The following RGS3 variants were observed in gnomAD, a reference collection of about 807,000 sequenced individuals.
RGS3 encodes regulator of G-protein signalling 3.
Under a neutral mutation model 132.6 loss-of-function variants are expected in RGS3, and 80 were observed. The observed-to-expected ratio is 0.60, with a 90% CI of 0.50 to 0.73. The LOEUF (loss-of-function observed/expected upper bound fraction) is 0.73. Ranked by LOEUF, RGS3 falls within the 30% of genes least tolerant of loss-of-function variation. The pLI, the probability that RGS3 is intolerant of heterozygous loss-of-function variation, is 0.00. For synonymous variants in RGS3, 598 were observed against 620.6 expected, an observed-to-expected ratio of 0.96 and a Z score of 0.54; for missense variants, 1,382 against 1,530.8, an observed-to-expected ratio of 0.90 and a Z score of 1.62.
At chr9:113,536,543 GGGAGC>G in intron 18 of RGS3, 1 of 1,277,798 alleles carries the variant, frequency 7.8e-7, no homozygotes, top group Non-Finnish European at 1.0e-6. Flanking sequence ...CTGCTGTGTT[GGGAGC>G]CACTGCCTTC....
At chr9:113,453,092 ATATTT>A (rs886995837) in intron 1 of RGS3, among the ~76,000 whole-genome samples, 1 of 135,436 alleles carries the variant, frequency 7.4e-6, no homozygotes, top group African/African-American at 2.7e-5. Context: ...ATATAGAAAT[ATATTT>A]TATATAAATT....
At chr9:113,513,300 C>CT (rs200971309) in intron 14 of RGS3, among the ~76,000 whole-genome samples, 2,293 of 152,300 alleles carry the variant, frequency 0.015, 59 homozygotes, top group African/African-American at 0.052. Context: ...ACCCCTCCCC[C>CT]CACACCGCCG....
Position 113,506,615 on chromosome 9 carries a change from G to T in RGS3, c.1085+122G>T. 1.5e-6 allele frequency: 1 copy of T among 654,196 alleles called. No homozygotes were observed. Among genetic ancestry groups the T allele is most frequent in the Non-Finnish European group, 2.7e-6 (1 of 366,328 alleles). The allele number at this position is 654,196 out of a possible 1,614,324, so 40.5% of individuals were successfully genotyped here. A position where few individuals can be genotyped will look rare whatever the true frequency, so the allele number is the denominator to read the frequency against. On this transcript the variant is annotated intron_variant, in intron 12 of 24. Transcript: ENST00000350696. The surrounding 1 kb of genome is among the most constrained non-coding windows in gnomAD (Gnocchi z 4.7). ...CCCTCTTTTGCCTAGCTGTGAGCAG[G>T]CAATTCCTTTTGCTCTTCAAGGAAT...
chr9:113,484,107 G>A (rs746007003), intron 5 of RGS3, 31 bp from the exon 4 acceptor site: 20 of 1,368,136 alleles, frequency 1.5e-5, no homozygotes, highest in Non-Finnish European at 1.9e-5. Flanking sequence ...CATGAGATCC[G>A]CTAATCATGC....
intron 17 of RGS3, among the ~76,000 whole-genome samples, chr9:113,526,517 T>C (rs1471657152): frequency 6.6e-6 from 1 of 152,156 alleles, no homozygotes; most frequent in African/African-American, 2.4e-5. Flanking sequence ...ACTTACTCAA[T>C]GTATGCCCTA....
intron 19 of RGS3, among the ~76,000 whole-genome samples, chr9:113,576,410 C>T (rs1243406076): frequency 6.6e-6 from 1 of 150,492 alleles, no homozygotes; most frequent in Non-Finnish European, 1.5e-5. Flanking sequence ...TGGCTCACTG[C>T]AACCTCCGCC....
At chr9:113,462,285 C>CG (rs1564446563) in intron 3 of RGS3, 2 of 86,398 alleles carry the variant, frequency 2.3e-5, no homozygotes, top group African/African-American at 5.4e-4. Flanking sequence ...TGTGTGTAAC[C>CG]GGGGTTGGAG....
chr9:113,503,949 T>G (rs1285439617), intron 10 of RGS3, among the ~76,000 whole-genome samples: 3 of 152,176 alleles, frequency 2.0e-5, no homozygotes, highest in Non-Finnish European at 4.4e-5. Flanking sequence ...GCTGCGTGTT[T>G]TCCCAGAATT....
At chr9:113,485,188 C>T (rs997148148) in intron 6 of RGS3, among the ~76,000 whole-genome samples, 3 of 152,066 alleles carry the variant, frequency 2.0e-5, no homozygotes, top group Non-Finnish European at 4.4e-5. Flanking sequence ...CCTGGGTTCA[C>T]GCCATTCTCC....
rs7855199 is a variant in RGS3, at chr9:113,586,262, T to A, written c.3015+1835T>A. ...GAGGGCGGTTGAGGCCCACCTGCCT[T>A]GGGCTTCCCAATCCTGATTCCCCCA... On this transcript the variant is annotated intron_variant, in intron 20 of 24. Coordinates refer to ENST00000350696, the Ensembl canonical transcript of RGS3. Among the ~76,000 whole-genome samples, 235 of 152,344 alleles carry A rather than the reference T, an allele frequency of 1.5e-3. 1 individual carries two copies. Among genetic ancestry groups the A allele is most frequent in the African/African-American group, 5.2e-3 (218 of 41,580 alleles).
chr9:113,537,036 A>T lies in RGS3; in HGVS notation c.2037+118A>T. ...CTGAGCTTCCAACTTGGCTCTGGGC[A>T]ATGAGCTCTTGGCAAGCGGGGACCT... On this transcript the variant is annotated intron_variant, in intron 19 of 24. Transcript: ENST00000350696. This position sits in a 1 kb window ranked among gnomAD's most constrained non-coding sequence, Gnocchi z 4.3. 1 of 949,438 alleles carries T rather than the reference A, an allele frequency of 1.1e-6. No homozygotes were observed. The highest frequency in any genetic ancestry group is 1.6e-6 in the Non-Finnish European group (1 of 635,246). 58.8% of individuals were successfully genotyped at this position (949,438 alleles called of 1,614,324 possible).
chr9:113,531,667 G>A (rs115373133), intron 18 of RGS3, among the ~76,000 whole-genome samples: 2,968 of 152,310 alleles, frequency 0.019, 102 homozygotes, highest in African/African-American at 0.067. Flanking sequence ...TTTGTAATGT[G>A]CATATACAGT....
Position 113,537,055 on chromosome 9 carries a change from G to C in RGS3, c.2037+137G>C. Reference sequence around the variant, plus strand: ...CTGGGCAATGAGCTCTTGGCAAGCGGGGACCTGTGCCCGAATGTCTCTCCC... The same window carrying C: ...CTGGGCAATGAGCTCTTGGCAAGCGCGGACCTGTGCCCGAATGTCTCTCCC... On this transcript the variant is annotated intron_variant, in intron 19 of 24. Coordinates refer to ENST00000350696, the Ensembl canonical transcript of RGS3. The surrounding 1 kb of genome is among the most constrained non-coding windows in gnomAD (Gnocchi z 4.3). 1.3e-6 allele frequency: 1 copy of C among 754,952 alleles called. No individual in the cohort carries two copies. The highest frequency in any genetic ancestry group is 1.8e-5 in the South Asian group (1 of 55,792). 46.8% of individuals were successfully genotyped at this position (754,952 alleles called of 1,614,324 possible). A position where few individuals can be genotyped will look rare whatever the true frequency, so the allele number is the denominator to read the frequency against.
intron 10 of RGS3, 21 bp from the exon 9 acceptor site, chr9:113,505,421 C>A (rs563119319): frequency 6.2e-7 from 1 of 1,612,280 alleles, no homozygotes; most frequent in South Asian, 1.1e-5. Context: ...CTGGCAGTGA[C>A]CGGGCAGGGC....
At chr9:113,492,297 A>G (rs1240828440) in intron 7 of RGS3, among the ~76,000 whole-genome samples, 1 of 152,188 alleles carries the variant, frequency 6.6e-6, no homozygotes, top group Non-Finnish European at 1.5e-5. Context: ...CCCTCTGCCC[A>G]AAATGCTCTT....
chr9:113,546,848 A>G (rs1833138611), intron 19 of RGS3, among the ~76,000 whole-genome samples: 1 of 152,200 alleles, frequency 6.6e-6, no homozygotes, highest in Non-Finnish European at 1.5e-5. Context: ...TTACAGAGAA[A>G]ACCAGCGAGT....
At chr9:113,446,877 T>C (rs1034879038) in intron 1 of RGS3, among the ~76,000 whole-genome samples, 1 of 152,156 alleles carries the variant, frequency 6.6e-6, no homozygotes, top group African/African-American at 2.4e-5. Context: ...AAGGCAGTAT[T>C]TGGAAGGGCA....
intron 17 of RGS3, among the ~76,000 whole-genome samples, chr9:113,528,205 G>C (rs1588205837): frequency 6.6e-6 from 1 of 152,176 alleles, no homozygotes; most frequent in African/African-American, 2.4e-5. Context: ...CGTGCTGCGT[G>C]GTTGCTTCCC....
exon 16 of RGS3, chr9:113,517,586 G>A (rs142653039): frequency 5.6e-6 from 9 of 1,613,510 alleles, no homozygotes; most frequent in South Asian, 1.1e-5. Flanking sequence ...GCTGTCAGAG[G>A]AGCTGCTGCT....
Sources: allele counts gnomAD v4.1 joint callset (sites outside exome capture counted in the v4.1 genomes callset), GRCh38; gene constraint gnomAD v4.1.1; non-coding constraint Gnocchi (gnomAD v3.1); transcripts MANE v1.5; gene names NCBI Gene and HGNC (gene_info 2026-07-23, HGNC 2026-07-21).